BLNK: variants seen among roughly 807,000 people sequenced by gnomAD.
BLNK encodes B-cell linker protein.
Under a neutral mutation model 73.5 loss-of-function variants are expected in BLNK, and 29 were observed. The ratio of observed to expected loss-of-function variants is 0.39; its 90% CI spans 0.29 to 0.54. The LOEUF (loss-of-function observed/expected upper bound fraction) is 0.54. BLNK is among the 20% of genes least tolerant of loss of function. The probability of loss-of-function intolerance (pLI) is 0.61; values close to 1 mark genes in which losing one functional copy is unlikely to be tolerated. For synonymous variants in BLNK, 176 were observed against 200.8 expected, an observed-to-expected ratio of 0.88 and a Z score of 1.04; for missense variants, 460 against 562.8, an observed-to-expected ratio of 0.82 and a Z score of 1.85.
At position 96,201,078 on chromosome 10, in the gene BLNK, T is replaced by C; in HGVS notation, c.935-20A>G. 1 of 1,599,974 alleles carries C rather than the reference T, an allele frequency of 6.3e-7. No homozygotes were observed. The highest frequency in any genetic ancestry group is 1.1e-5 in the South Asian group (1 of 90,822). The stretch of plus-strand genomic sequence containing the variant: ...TAAATCCTGAAAGGGATCAGAAAAG[T>C]CCTTCAATTAATCTTCATATTTCTT... On this transcript the variant is annotated intron_variant, in intron 13 of 16. Coordinates refer to ENST00000224337, the MANE Select transcript of BLNK (RefSeq NM_013314.4).
In BLNK at chr10:96,223,867, G is replaced by A. The variant is rs1554901779; in HGVS notation, c.484C>T (p.Pro162Ser). The A allele has an allele frequency of 4.3e-6, 7 of 1,613,914 alleles. No individual in the cohort carries two copies. The East Asian group carries it at 1.6e-4, about 36-fold the overall frequency. Reference protein sequence around the residue: ...TLPALTALQKPQVPPKPKGLL... With the variant: ...TLPALTALQKSQVPPKPKGLL... ...CCTTTGGGTTTGGGTGGGACTTGAGGTTTCTGCAAAGCAGTCAGGGCCGGC... is the reference window on the plus strand; with the variant it reads ...CCTTTGGGTTTGGGTGGGACTTGAGATTTCTGCAAAGCAGTCAGGGCCGGC... The change falls in exon 6 of 17, where the codon CCT becomes TCT. Residue 162 changes from proline to serine, a missense_variant. Pro to Ser is a moderately conservative substitution (Grantham distance 74, BLOSUM62 -1). Coordinates refer to ENST00000224337, the MANE Select transcript of BLNK (RefSeq NM_013314.4).
At position 96,210,057 on chromosome 10, in the gene BLNK, T is replaced by C. The variant is rs1249941312; in HGVS notation, c.677-150A>G. 3.9e-5 allele frequency: 32 copies of C among 830,226 alleles called. No individual in the cohort carries two copies. In the East Asian group the frequency reaches 5.7e-4, roughly 15 times the overall value. The allele number at this position is 830,226 out of a possible 1,614,324, so 51.4% of individuals were successfully genotyped here. A position where few individuals can be genotyped will look rare whatever the true frequency, so the allele number is the denominator to read the frequency against. On this transcript the variant is annotated intron_variant, in intron 8 of 16. Coordinates refer to ENST00000224337, the MANE Select transcript of BLNK (RefSeq NM_013314.4). ...CATATAGGTAGTTATATTGAAGCTATTAAGGAAAACTTGTGGGCAAAGGTG... is the reference window on the plus strand; with the variant it reads ...CATATAGGTAGTTATATTGAAGCTACTAAGGAAAACTTGTGGGCAAAGGTG...
intron 4 of BLNK, among the ~76,000 whole-genome samples, chr10:96,230,395 G>A (rs979392720): frequency 6.6e-6 from 1 of 152,164 alleles, no homozygotes; most frequent in South Asian, 2.1e-4. Flanking sequence ...TTCTTTAGTT[G>A]TTGGTTCGTT....
At chr10:96,206,955 C>G in intron 11 of BLNK, 56 bp downstream of exon 11, 1 of 1,529,534 alleles carries the variant, frequency 6.5e-7, no homozygotes, top group East Asian at 2.3e-5. Flanking sequence ...ACATACAAAT[C>G]CTTAATAAAA....
intron 4 of BLNK, among the ~76,000 whole-genome samples, chr10:96,229,223 C>T (rs1253512095): frequency 2.1e-5 from 3 of 145,866 alleles, no homozygotes; most frequent in Admixed American, 1.4e-4. Context: ...GTTTCCCTCC[C>T]CCCACCTGCT....
rs587732028 is a variant in BLNK at position 96,236,854 on chromosome 10, C to T, written c.163+5881G>A. Among the ~76,000 whole-genome samples, 15 of 152,042 alleles carry T rather than the reference C, an allele frequency of 9.9e-5. No individual in the cohort carries two copies. The South Asian group carries it at 2.7e-3, about 27-fold the overall frequency. On this transcript the variant is annotated intron_variant, in intron 3 of 16. Transcript: ENST00000224337. ...AAAAGAAAAAAGAAATACTTATCAT[C>T]GTAGAAACTCCCTTTGTCTGTATGT...
intron 3 of BLNK, among the ~76,000 whole-genome samples, chr10:96,233,134 G>A (rs587653026): frequency 2.6e-4 from 39 of 152,186 alleles, no homozygotes; most frequent in Middle Eastern, 3.4e-3. Context: ...TAAGTCTGGG[G>A]ATCACTGAAG....
At chr10:96,204,424 G>T in intron 12 of BLNK, 108 bp downstream of exon 12, 1 of 1,264,090 alleles carries the variant, frequency 7.9e-7, no homozygotes. Context: ...TGAAATGTTG[G>T]ATTTTTACCT....
At chr10:96,254,048 A>T (rs11188680) in intron 1 of BLNK, among the ~76,000 whole-genome samples, 3,438 of 151,490 alleles carry the variant, frequency 0.023, 130 homozygotes, top group African/African-American at 0.076. Context: ...TTAAAAAAAT[A>T]AAAAAAAGGA....
At chr10:96,215,197 A>G in intron 8 of BLNK, 124 bp downstream of exon 8, 2 of 1,066,590 alleles carry the variant, frequency 1.9e-6, no homozygotes, top group South Asian at 2.6e-5. Context: ...CATGAGGATG[A>G]GGACTGGCCT....
chr10:96,235,933 C>T (rs7083948), intron 3 of BLNK, among the ~76,000 whole-genome samples: 107,900 of 151,696 alleles, frequency 0.71, 41,010 homozygotes, highest in Non-Finnish European at 0.84. Context: ...CCATAGTGGA[C>T]ACCGCAGGCT....
At position 96,207,620 on chromosome 10, in the gene BLNK, C is replaced by T. The variant is rs145300857; in HGVS notation, c.774+252G>A. Among the ~76,000 whole-genome samples the T allele has an allele frequency of 3.2e-3, 487 of 152,304 alleles. 2 individuals carry two copies. Among genetic ancestry groups the T allele is most frequent in the Middle Eastern group, 0.01 (3 of 294 alleles). On this transcript the variant is annotated intron_variant, in intron 10 of 16. Coordinates refer to ENST00000224337, the MANE Select transcript of BLNK (RefSeq NM_013314.4). ...GAGAGGGCAGGGAACCTGGCTGCCC[C>T]TCTGATCTGCTGCGCACACTCAGTG...
At chr10:96,252,314 G>A (rs1435057363) in intron 1 of BLNK, among the ~76,000 whole-genome samples, 4 of 152,146 alleles carry the variant, frequency 2.6e-5, no homozygotes, top group Non-Finnish European at 4.4e-5. Context: ...GGCTCCCAAA[G>A]TGCTGGGATT....
intron 1 of BLNK, among the ~76,000 whole-genome samples, chr10:96,252,286 C>T (rs527659524): frequency 5.9e-5 from 9 of 152,180 alleles, no homozygotes; most frequent in African/African-American, 1.7e-4. Context: ...CTCCTGACCT[C>T]GTGATCTGCC....
intron 16 of BLNK, among the ~76,000 whole-genome samples, chr10:96,192,544 G>A (rs1231984844): frequency 6.6e-6 from 1 of 152,002 alleles, no homozygotes; most frequent in Non-Finnish European, 1.5e-5. Context: ...ACAAAATTAT[G>A]TTTTGTTTTC....
At chr10:96,198,472 T>C (rs2133938437) in intron 15 of BLNK, among the ~76,000 whole-genome samples, 1 of 152,308 alleles carries the variant, frequency 6.6e-6, no homozygotes, top group Middle Eastern at 3.4e-3. Context: ...TATATTCTGG[T>C]AAAATGATTA....
chr10:96,251,357 A>G (rs1554909070), intron 1 of BLNK, among the ~76,000 whole-genome samples: 2 of 152,162 alleles, frequency 1.3e-5, no homozygotes, highest in Non-Finnish European at 2.9e-5. Context: ...CCTTATTACA[A>G]CTTATAGCAC....
intron 3 of BLNK, among the ~76,000 whole-genome samples, chr10:96,239,753 GGATGAATAATA>G (rs1842824087): frequency 1.3e-5 from 2 of 152,136 alleles, no homozygotes; most frequent in African/African-American, 4.8e-5. Context: ...TTAGGCAAAA[GGATGAATAATA>G]GATGGATGCT....
chr10:96,200,925 G>T lies in BLNK; in HGVS notation c.1011+57C>A, dbSNP rs1258179258. 19 of 1,459,740 alleles carry T rather than the reference G, an allele frequency of 1.3e-5. No homozygotes were observed. Among genetic ancestry groups the T allele is most frequent in the Non-Finnish European group, 1.8e-5 (19 of 1,039,654 alleles). The allele number at this position is 1,459,740 out of a possible 1,614,324, so 90.4% of individuals were successfully genotyped here. On this transcript the variant is annotated intron_variant, in intron 14 of 16. Transcript: ENST00000224337. The surrounding 1 kb of genome is among the most constrained non-coding windows in gnomAD (Gnocchi z 4.3). Reference sequence around the variant, plus strand: ...CAAATGTCTTCTTCTCAGAAGACATGCTCTTTCCTGCAGTTTCCTGGTAAC... The same window carrying T: ...CAAATGTCTTCTTCTCAGAAGACATTCTCTTTCCTGCAGTTTCCTGGTAAC...
Sources: allele counts gnomAD v4.1 joint callset (sites outside exome capture counted in the v4.1 genomes callset), GRCh38; gene constraint gnomAD v4.1.1; non-coding constraint Gnocchi (gnomAD v3.1); transcripts MANE v1.5; gene names NCBI Gene and HGNC (gene_info 2026-07-23, HGNC 2026-07-21).